PVT1: variants seen among roughly 807,000 people sequenced by gnomAD.
PVT1 encodes the protein CXCR4/PVT1 fusion.
At chr8:127,811,420 A>C (rs1005106729) in intron 2 of PVT1, among the ~76,000 whole-genome samples, 4 of 152,144 alleles carry the variant, frequency 2.6e-5, no homozygotes, top group Non-Finnish European at 4.4e-5. Flanking sequence ...AAGCTCCCTC[A>C]GGCATTTCAT....
intron 4 of PVT1, among the ~76,000 whole-genome samples, chr8:128,045,582 A>G (rs1485767524): frequency 2.0e-5 from 3 of 152,172 alleles, no homozygotes; most frequent in African/African-American, 7.2e-5. Flanking sequence ...AGTTACCCAC[A>G]TGGCTGTATT....
At chr8:127,880,726 G>A (rs1352189242) in intron 2 of PVT1, among the ~76,000 whole-genome samples, 2 of 150,786 alleles carry the variant, frequency 1.3e-5, no homozygotes, top group African/African-American at 4.9e-5. Flanking sequence ...TTAGCCTCCC[G>A]AGTAGCTGCG....
At chr8:127,959,167 C>T (rs772705116) in intron 3 of PVT1, among the ~76,000 whole-genome samples, 7 of 152,154 alleles carry the variant, frequency 4.6e-5, no homozygotes, top group East Asian at 1.9e-4. Flanking sequence ...TTTTACCAAG[C>T]GAACTGATGA....
In PVT1 at chr8:127,981,280, A is replaced by G. The variant is rs573178086; in HGVS notation, n.783-7882A>G. Among the ~76,000 whole-genome samples the G allele has an allele frequency of 2.6e-5, 4 of 152,336 alleles. No homozygotes were observed. In the South Asian group the frequency reaches 8.3e-4, roughly 32 times the overall value. On this transcript the variant is annotated intron_variant and non_coding_transcript_variant, in intron 3 of 10. Coordinates refer to ENST00000651587, the Ensembl canonical transcript of PVT1. ...CTCTGCAAGAGGGCCCTTGTGGGGA[A>G]GGGACTGGCCAAGGCTACCCAAAGA...
chr8:127,858,737 C>T (rs55789181), intron 2 of PVT1, among the ~76,000 whole-genome samples: 2,562 of 143,182 alleles, frequency 0.018, 34 homozygotes, highest in Middle Eastern at 0.038. Context: ...GCAAGCAGTT[C>T]TGTGACTTTC....
chr8:128,014,591 G>A (rs1817350711), intron 4 of PVT1, among the ~76,000 whole-genome samples: 2 of 152,192 alleles, frequency 1.3e-5, no homozygotes, highest in South Asian at 2.1e-4. Flanking sequence ...ATAATGAACC[G>A]AACAGAGAAC....
intron 3 of PVT1, among the ~76,000 whole-genome samples, chr8:127,904,355 G>GGTTGGTACCAGGAGAGAGGATGCAT (rs55897828): frequency 0.76 from 114,653 of 151,622 alleles, 43,653 homozygotes; most frequent in African/African-American, 0.83. Flanking sequence ...CAGTTTTGCA[G>GGTTGGTACCAGGAGAGAGGATGCAT]GTTGGTACCA....
In PVT1 at chr8:127,938,843, C is replaced by T. The variant is rs920592225; in HGVS notation, n.782+47845C>T. ...GTTCGATGGTGCAGTCATCGTGTGG[C>T]GGAATGCATGCTCACACAGGGAAGT... On this transcript the variant is annotated intron_variant and non_coding_transcript_variant, in intron 3 of 10. Transcript: ENST00000651587. 1.2e-4 allele frequency among the ~76,000 whole-genome samples: 18 copies of T among 152,282 alleles called. No homozygotes were observed. In the East Asian group the frequency reaches 1.5e-3, roughly 13 times the overall value.
intron 2 of PVT1, among the ~76,000 whole-genome samples, chr8:127,859,152 TA>T (rs2129747861): frequency 6.6e-6 from 1 of 152,108 alleles, no homozygotes; most frequent in East Asian, 1.9e-4. Flanking sequence ...ATAAATTGAG[TA>T]TTTTCTTCCT....
intron 2 of PVT1, among the ~76,000 whole-genome samples, chr8:127,864,397 A>G (rs971821510): frequency 1.3e-5 from 2 of 152,118 alleles, no homozygotes; most frequent in Non-Finnish European, 2.9e-5. Flanking sequence ...GCCTGCCGTC[A>G]GGGTTTGTGG....
intron 3 of PVT1, among the ~76,000 whole-genome samples, chr8:127,976,738 A>G (rs1474163277): frequency 1.3e-5 from 2 of 152,154 alleles, no homozygotes; most frequent in East Asian, 3.8e-4. Flanking sequence ...TCTGAGCCTC[A>G]GGGAGGTGCT....
intron 2 of PVT1, among the ~76,000 whole-genome samples, chr8:127,881,142 G>A (rs903681076): frequency 2.0e-4 from 30 of 151,828 alleles, no homozygotes; most frequent in African/African-American, 6.6e-4. Context: ...CTGGCAAAGT[G>A]CAGAAGGAAA....
At chr8:127,937,083 T>G (rs528955423) in intron 3 of PVT1, among the ~76,000 whole-genome samples, 1 of 152,346 alleles carries the variant, frequency 6.6e-6, no homozygotes, top group African/African-American at 2.4e-5. Flanking sequence ...GCAGCCCGCA[T>G]CATCCACTGG....
chr8:127,830,829 G>A (rs1210883855), intron 2 of PVT1, among the ~76,000 whole-genome samples: 1 of 152,062 alleles, frequency 6.6e-6, no homozygotes, highest in Admixed American at 6.6e-5. Flanking sequence ...ATATAAAGCA[G>A]GCAGAAAAAC....
rs959320193 is a variant in PVT1, at chr8:127,807,487, C to T, written n.372+11416C>T. On this transcript the variant is annotated intron_variant and non_coding_transcript_variant, in intron 2 of 10. Coordinates refer to ENST00000651587, the Ensembl canonical transcript of PVT1. ...TAGCTGGGACTACAGGTGTGAGCCA[C>T]CATGCCTGTATTTTTTGTAGAGATG... Among the ~76,000 whole-genome samples, 10 of 152,130 alleles carry T rather than the reference C, an allele frequency of 6.6e-5. No individual in the cohort carries two copies. In the South Asian group the frequency reaches 1.9e-3, roughly 29 times the overall value.
intron 4 of PVT1, among the ~76,000 whole-genome samples, chr8:128,065,788 T>C (rs1300345969): frequency 2.6e-5 from 4 of 152,356 alleles, no homozygotes; most frequent in South Asian, 2.1e-4. Flanking sequence ...AGCAGCCCAC[T>C]GAGTTCCGAC....
At chr8:127,795,158 CGAAG>C (rs923744685) in intron 1 of PVT1, among the ~76,000 whole-genome samples, 21 of 152,278 alleles carry the variant, frequency 1.4e-4, no homozygotes, top group Admixed American at 1.2e-3. Flanking sequence ...CAGGGCTGGG[CGAAG>C]GTGATTTCCA....
At chr8:128,010,130 T>C (rs534138931) in intron 4 of PVT1, 3 of 152,324 alleles carry the variant, frequency 2.0e-5, no homozygotes, top group East Asian at 3.9e-4. Context: ...GATTCCTGCC[T>C]CTTTATGTCT....
At chr8:127,931,235 T>G (rs1041008476) in intron 3 of PVT1, among the ~76,000 whole-genome samples, 1 of 152,180 alleles carries the variant, frequency 6.6e-6, no homozygotes, top group African/African-American at 2.4e-5. Context: ...TTTCCAAGCT[T>G]ATCTCCTCTG....
Sources: allele counts gnomAD v4.1 joint callset (sites outside exome capture counted in the v4.1 genomes callset), GRCh38; gene constraint gnomAD v4.1.1; transcripts MANE v1.5; gene names NCBI Gene and HGNC (gene_info 2026-07-23, HGNC 2026-07-21).